The following HLX variants were observed in gnomAD, a reference collection of about 807,000 sequenced individuals.
HLX encodes the protein H2.0 like homeobox.
HLX carries 6 observed loss-of-function variants against 27.7 expected under a neutral mutation model. The observed-to-expected ratio is 0.22, with a 90% CI of 0.12 to 0.43. The LOEUF (loss-of-function observed/expected upper bound fraction) is 0.43. Among genes scored for constraint, HLX ranks in the 20% least tolerant of loss-of-function variants. The pLI is 1.00. For missense variants in HLX, 666 were observed against 655.2 expected, an observed-to-expected ratio of 1.02 and a Z score of -0.18; for synonymous variants, 328 against 293.8, an observed-to-expected ratio of 1.12 and a Z score of -1.19.
At position 220,884,836 on chromosome 1, in the gene HLX, C is replaced by G; in HGVS notation, c.*132C>G. On this transcript the variant is annotated 3_prime_UTR_variant, in exon 4 of 4. Transcript: ENST00000366903. This position sits in a 1 kb window ranked among gnomAD's most constrained non-coding sequence, Gnocchi z 4.9. ...CGTGGAGCCTACCTCCCGACATTCA[C>G]GCTTCGCCCCACGCTGCTCCGACTG... is the stretch of plus-strand genomic sequence containing the variant. The G allele has an allele frequency of 2.1e-6, 3 of 1,397,898 alleles. No homozygotes were observed. Among genetic ancestry groups the G allele is most frequent in the Admixed American group, 2.2e-5 (1 of 44,600 alleles). 86.6% of individuals were successfully genotyped at this position (1,397,898 alleles called of 1,614,324 possible). A position where few individuals can be genotyped will look rare whatever the true frequency, so the allele number is the denominator to read the frequency against.
At chr1:220,883,284 TACACACACACACACACACACACACACAC>T (rs3138532) in intron 3 of HLX, 4 of 140,858 alleles carry the variant, frequency 2.8e-5, no homozygotes, top group African/African-American at 8.0e-5. Context: ...TTCTCCCCAG[TACACACACACACACACACACACACACAC>T]ACACACACAC....
At position 220,881,226 on chromosome 1, in the gene HLX, G is replaced by A. The variant is rs1674430117; in HGVS notation, c.625G>A (p.Ala209Thr). 1.2e-6 allele frequency: 2 copies of A among 1,613,892 alleles called. No homozygotes were observed. Among genetic ancestry groups the A allele is most frequent in the African/African-American group, 1.3e-5 (1 of 74,896 alleles). ...TTCCCTGCTAACCGGTGGGCGGCCC[G>A]CCGGGGTGCACCTCTCAGGCCTGCA... is the stretch of plus-strand genomic sequence containing the variant. Reference protein sequence around the residue: ...LTSLLTGGRPAGVHLSGLQPS... With the variant: ...LTSLLTGGRPTGVHLSGLQPS... Residue 209 changes from alanine (A) to threonine (T), a missense_variant, in exon 2 of 4, where the codon GCC becomes ACC. Ala to Thr is a moderately conservative substitution (Grantham distance 58). Transcript: ENST00000366903.
In HLX at chr1:220,884,272, G is replaced by T; in HGVS notation, c.1035G>T (p.Lys345Asn). 6.2e-7 allele frequency: 1 copy of T among 1,614,084 alleles called. No homozygotes were observed. Among genetic ancestry groups the T allele is most frequent in the South Asian group, 1.1e-5 (1 of 91,064 alleles). ...KEAQAQKDKD[K>N]EAGEKPSGGA... ...CCCAGGCCCAAAAGGACAAGGACAA[G>T]GAGGCTGGCGAGAAGCCATCAGGTG... Residue 345 changes from lysine to asparagine, a missense_variant, in exon 4 of 4, where the codon AAG becomes AAT. Coordinates refer to ENST00000366903, the MANE Select transcript of HLX (RefSeq NM_021958.4). The surrounding 1 kb of genome is among the most constrained non-coding windows in gnomAD (Gnocchi z 4.9).
chr1:220,884,828 G>T lies in HLX; in HGVS notation c.*124G>T. ...AGACGCAGCGTGGAGCCTACCTCCCGACATTCACGCTTCGCCCCACGCTGC... is the reference window on the plus strand; with the variant it reads ...AGACGCAGCGTGGAGCCTACCTCCCTACATTCACGCTTCGCCCCACGCTGC... On this transcript the variant is annotated 3_prime_UTR_variant, in exon 4 of 4. Transcript: ENST00000366903. This position sits in a 1 kb window ranked among gnomAD's most constrained non-coding sequence, Gnocchi z 4.9. 2 of 1,434,218 alleles carry T rather than the reference G, an allele frequency of 1.4e-6. No individual in the cohort carries two copies. The highest frequency in any genetic ancestry group is 2.7e-5 in the South Asian group (2 of 75,198). 88.8% of individuals were successfully genotyped at this position (1,434,218 alleles called of 1,614,324 possible).
chr1:220,880,556 G>T (rs1571711992), intron 1 of HLX, 107 bp downstream of exon 1: 1 of 1,187,442 alleles, frequency 8.4e-7, no homozygotes, highest in Non-Finnish European at 1.3e-6. Context: ...GGACAAATCG[G>T]TAAAACGGGA....
intron 1 of HLX, chr1:220,880,699 T>A: frequency 1.7e-6 from 1 of 585,074 alleles, no homozygotes; most frequent in Admixed American, 3.0e-5. Flanking sequence ...ATAAAAGTGG[T>A]TGGTGTAATT....
Position 220,884,880 on chromosome 1 carries a change from C to A in HLX, c.*176C>A. The stretch of plus-strand genomic sequence containing the variant: ...CCGACTGGCTGCAGCGGACACTGCC[C>A]AAAGCAGAGGGGAGTCTCAGTGTCC... On this transcript the variant is annotated 3_prime_UTR_variant, in exon 4 of 4. Coordinates refer to ENST00000366903, the MANE Select transcript of HLX (RefSeq NM_021958.4). This position sits in a 1 kb window ranked among gnomAD's most constrained non-coding sequence, Gnocchi z 4.9. 1 of 1,023,040 alleles carries A rather than the reference C, an allele frequency of 9.8e-7. No homozygotes were observed. Among genetic ancestry groups the A allele is most frequent in the Non-Finnish European group, 1.4e-6 (1 of 718,422 alleles). The allele number at this position is 1,023,040 out of a possible 1,614,324, so 63.4% of individuals were successfully genotyped here. A position where few individuals can be genotyped will look rare whatever the true frequency, so the allele number is the denominator to read the frequency against.
chr1:220,884,158 G>A lies in HLX; in HGVS notation c.958-37G>A, dbSNP rs1442373532. ...TAGGAGCAAACCTGGGTCTCATCTC[G>A]GTGTCTCTTCTTGTCTCCCGGTGTG... On this transcript the variant is annotated intron_variant, in intron 3 of 3. Transcript: ENST00000366903. The surrounding 1 kb of genome is among the most constrained non-coding windows in gnomAD (Gnocchi z 4.9). 1.9e-6 allele frequency: 3 copies of A among 1,609,964 alleles called. No homozygotes were observed. Among genetic ancestry groups the A allele is most frequent in the African/African-American group, 1.3e-5 (1 of 74,802 alleles).
rs1394535862 is a variant in HLX, at chr1:220,881,362, A to G, written c.761A>G (p.Asp254Gly). 6.2e-7 allele frequency: 1 copy of G among 1,613,856 alleles called. No homozygotes were observed. Among genetic ancestry groups the G allele is most frequent in the African/African-American group, 1.3e-5 (1 of 74,934 alleles). ...AATTCAGTTCAGCATCAGTTCCAAGACACGTTTCCAGGTACGGAAAAACTC... is the reference window on the plus strand; with the variant it reads ...AATTCAGTTCAGCATCAGTTCCAAGGCACGTTTCCAGGTACGGAAAAACTC... ...PRNSVQHQFQ[D>G]TFPGPYAVLT... The change falls in exon 2 of 4, where the codon GAC becomes GGC. Residue 254 changes from aspartate to glycine, a missense_variant. Asp to Gly is a moderately conservative substitution (Grantham distance 94). Transcript: ENST00000366903.
At chr1:220,883,306 CACACA>C (rs2102643000) in intron 3 of HLX, 1 of 151,646 alleles carries the variant, frequency 6.6e-6, no homozygotes, top group African/African-American at 2.4e-5. Flanking sequence ...CACACACACA[CACACA>C]CACACACACA....
At chr1:220,883,332 C>T (rs2491259) in intron 3 of HLX, 2 of 149,240 alleles carry the variant, frequency 1.3e-5, no homozygotes, top group African/African-American at 2.5e-5. Flanking sequence ...CACACACACA[C>T]GAGGAGCCCA....
Position 220,879,851 on chromosome 1 carries a change from C to G in HLX, c.-7C>G. On this transcript the variant is annotated 5_prime_UTR_variant, in exon 1 of 4. Coordinates refer to ENST00000366903, the MANE Select transcript of HLX (RefSeq NM_021958.4). ...ACTGCGGCAGCCGCGCGGCTCACCC[C>G]GGCAGGATGTTCGCAGCCGGGCTGG... 6.4e-7 allele frequency: 1 copy of G among 1,569,690 alleles called. No individual in the cohort carries two copies. The highest frequency in any genetic ancestry group is 8.6e-7 in the Non-Finnish European group (1 of 1,165,564).
chr1:220,881,145 T>C lies in HLX; in HGVS notation c.593-49T>C, dbSNP rs183328063. ...AGGGGAGGAACAAATCAGCGGAGAG[T>C]GTGAGTGTGCCCGAGATGTAACCTG... On this transcript the variant is annotated intron_variant, in intron 1 of 3. Coordinates refer to ENST00000366903, the MANE Select transcript of HLX (RefSeq NM_021958.4). The C allele has an allele frequency of 7.4e-5, 110 of 1,495,146 alleles. 1 individual carries two copies. The African/African-American group carries it at 1.4e-3, about 19-fold the overall frequency. 92.6% of individuals were successfully genotyped at this position (1,495,146 alleles called of 1,614,324 possible). A position where few individuals can be genotyped will look rare whatever the true frequency, so the allele number is the denominator to read the frequency against.
At position 220,880,171 on chromosome 1, in the gene HLX, C is replaced by T. The variant is rs1233206031; in HGVS notation, c.314C>T (p.Pro105Leu). Residue 105 changes from proline (P) to leucine (L), a missense_variant, in exon 1 of 4, where the codon CCG becomes CTG. Coordinates refer to ENST00000366903, the MANE Select transcript of HLX (RefSeq NM_021958.4). ...PTPVVAPSEVPAGFPQRLSPL... is the reference protein window; with the variant it reads ...PTPVVAPSEVLAGFPQRLSPL... ...CCAGTGGTGGCGCCCTCCGAAGTCC[C>T]GGCTGGCTTCCCGCAGCGGCTGTCT... The T allele has an allele frequency of 6.2e-7, 1 of 1,612,842 alleles. No individual in the cohort carries two copies. Among genetic ancestry groups the T allele is most frequent in the South Asian group, 1.1e-5 (1 of 91,072 alleles).
Position 220,880,382 on chromosome 1 carries a change from A to G in HLX, c.525A>G (p.Lys175=), listed in dbSNP as rs1571711892. The G allele has an allele frequency of 6.2e-7, 1 of 1,614,108 alleles. No individual in the cohort carries two copies. The highest frequency in any genetic ancestry group is 8.5e-7 in the Non-Finnish European group (1 of 1,180,012). Reference sequence around the variant, plus strand: ...CGGCCCCCTCCAGCAAAGACCTCAAATTTGGAATTGACCGCATTTTATCTG... The same window carrying G: ...CGGCCCCCTCCAGCAAAGACCTCAAGTTTGGAATTGACCGCATTTTATCTG... ...SAPAPSSKDL[K]FGIDRILSAE... is the part of the protein sequence containing the mutation. The change falls in exon 1 of 4, where the codon AAA becomes AAG. Residue 175 remains lysine (K), a synonymous_variant. Transcript: ENST00000366903.
In HLX at chr1:220,884,669, C is replaced by G; in HGVS notation, c.1432C>G (p.Pro478Ala). 1 of 1,610,924 alleles carries G rather than the reference C, an allele frequency of 6.2e-7. No homozygotes were observed. Among genetic ancestry groups the G allele is most frequent in the Non-Finnish European group, 8.5e-7 (1 of 1,179,470 alleles). ...QPTASSAPKSPEPAQGALGCL is the reference protein window; with the variant it reads ...QPTASSAPKSAEPAQGALGCL ...CACAGCCAGCAGCGCTCCCAAAAGC[C>G]CCGAGCCAGCCCAAGGCGCGCTTGG... The change falls in exon 4 of 4, where the codon CCC becomes GCC. Residue 478 changes from proline to alanine, a missense_variant. Coordinates refer to ENST00000366903, the MANE Select transcript of HLX (RefSeq NM_021958.4). The surrounding 1 kb of genome is among the most constrained non-coding windows in gnomAD (Gnocchi z 4.9).
Position 220,884,177 on chromosome 1 carries a change from C to A in HLX, c.958-18C>A. 6.2e-7 allele frequency: 1 copy of A among 1,613,010 alleles called. No homozygotes were observed. The highest frequency in any genetic ancestry group is 8.5e-7 in the Non-Finnish European group (1 of 1,179,418). ...CATCTCGGTGTCTCTTCTTGTCTCC[C>A]GGTGTGGCGCGGCGCAGGTGAAGGT... On this transcript the variant is annotated intron_variant, in intron 3 of 3. Coordinates refer to ENST00000366903, the MANE Select transcript of HLX (RefSeq NM_021958.4). This position sits in a 1 kb window ranked among gnomAD's most constrained non-coding sequence, Gnocchi z 4.9.
intron 2 of HLX, chr1:220,881,851 A>G (rs1324293010): frequency 4.6e-6 from 2 of 434,072 alleles, no homozygotes; most frequent in Non-Finnish European, 8.6e-6. Flanking sequence ...ATTCAGGCCC[A>G]AGGGACATTT....
Position 220,884,302 on chromosome 1 carries a change from C to G in HLX, c.1065C>G (p.Ala355=), listed in dbSNP as rs1302077845. ...CTGGCGAGAAGCCATCAGGTGGAGC[C>G]CCGGCTGCGGATGGCGAGCAGGACG... The part of the protein sequence containing the change: ...KEAGEKPSGG[A]PAADGEQDER... The change falls in exon 4 of 4, where the codon GCC becomes GCG. Residue 355 remains alanine (A), a synonymous_variant. Coordinates refer to ENST00000366903, the MANE Select transcript of HLX (RefSeq NM_021958.4). The surrounding 1 kb of genome is among the most constrained non-coding windows in gnomAD (Gnocchi z 4.9). 1 of 1,613,778 alleles carries G rather than the reference C, an allele frequency of 6.2e-7. No individual in the cohort carries two copies. Among genetic ancestry groups the G allele is most frequent in the Non-Finnish European group, 8.5e-7 (1 of 1,179,836 alleles).
Sources: gnomAD v4.1 joint callset for allele counts on GRCh38, gnomAD v4.1.1 for gene constraint, Gnocchi (gnomAD v3.1) non-coding constraint, MANE v1.5 for transcripts, NCBI Gene and HGNC (gene_info 2026-07-23, HGNC 2026-07-21) for gene names.